FILIP1L: variants seen among roughly 807,000 people sequenced by gnomAD.
The protein encoded by FILIP1L is filamin A interacting protein 1 like.
In FILIP1L, 55 loss-of-function variants were observed where a neutral mutation model predicts 96.6. The ratio of observed to expected loss-of-function variants is 0.57; its 90% CI spans 0.46 to 0.71. The LOEUF is 0.71. FILIP1L is among the 30% of genes least tolerant of loss of function. The pLI is 0.00. For synonymous variants in FILIP1L, 467 were observed against 473.9 expected, an observed-to-expected ratio of 0.99 and a Z score of 0.19; for missense variants, 1,304 against 1,321.2, an observed-to-expected ratio of 0.99 and a Z score of 0.20.
intron 1 of FILIP1L, among the ~76,000 whole-genome samples, chr3:100,028,509 T>C (rs1319817499): frequency 1.3e-5 from 2 of 152,216 alleles, no homozygotes; most frequent in African/African-American, 2.4e-5. Context: ...TTAATTCACG[T>C]TGGAGAATAG....
intron 1 of FILIP1L, among the ~76,000 whole-genome samples, chr3:100,111,570 A>G (rs145333566): frequency 2.0e-5 from 3 of 152,340 alleles, no homozygotes; most frequent in African/African-American, 2.4e-5. Flanking sequence ...CTCCTCAACC[A>G]AGATGAGAAG....
At position 99,924,236 on chromosome 3, in the gene FILIP1L, C is replaced by G. The variant is rs1356402733; in HGVS notation, c.599G>C (p.Cys200Ser). The part of the protein sequence containing the change: ...DEFICLLEQE[C>S]ERLKKLIDQE... ...TTGCCCAAAGCAGCCTTACCTTTCA[C>G]ATTCCTGTTCTAGTAGGCATATGAA... Residue 200 changes from cysteine to serine, a missense_variant, in exon 4 of 6, where the codon TGT (cysteine) becomes TCT (serine). Coordinates refer to ENST00000477258, the MANE Select transcript of FILIP1L (RefSeq NM_001387850.1). The G allele has an allele frequency of 5.6e-6, 9 of 1,612,496 alleles. No homozygotes were observed. Among genetic ancestry groups the G allele is most frequent in the Non-Finnish European group, 7.6e-6 (9 of 1,179,432 alleles).
At chr3:99,968,510 G>A (rs1019920652) in intron 1 of FILIP1L, among the ~76,000 whole-genome samples, 1 of 152,068 alleles carries the variant, frequency 6.6e-6, no homozygotes, top group African/African-American at 2.4e-5. Context: ...CATGGAAGGT[G>A]ATGGGAGGTA....
chr3:99,878,957 T>C (rs912652286), intron 4 of FILIP1L, among the ~76,000 whole-genome samples: 3 of 152,240 alleles, frequency 2.0e-5, no homozygotes, highest in Non-Finnish European at 4.4e-5. Context: ...ATTCTCTTGG[T>C]TTCATTTGTG....
intron 1 of FILIP1L, among the ~76,000 whole-genome samples, chr3:100,061,197 A>G (rs543602608): frequency 8.2e-4 from 125 of 152,326 alleles, no homozygotes; most frequent in African/African-American, 2.9e-3. Context: ...TTTAAAAACT[A>G]TACTTCTTCT....
At chr3:100,080,372 A>G (rs1472326579) in intron 1 of FILIP1L, among the ~76,000 whole-genome samples, 1 of 152,200 alleles carries the variant, frequency 6.6e-6, no homozygotes, top group Non-Finnish European at 1.5e-5. Flanking sequence ...TGAACAAACT[A>G]TCCCTTTACA....
At chr3:100,005,277 A>G (rs1310796179) in intron 1 of FILIP1L, among the ~76,000 whole-genome samples, 2 of 152,198 alleles carry the variant, frequency 1.3e-5, no homozygotes, top group African/African-American at 2.4e-5. Flanking sequence ...TTTTGGCTCA[A>G]TATTCAGTGT....
chr3:100,020,667 T>C (rs2064794897), intron 1 of FILIP1L, among the ~76,000 whole-genome samples: 1 of 152,168 alleles, frequency 6.6e-6, no homozygotes, highest in Non-Finnish European at 1.5e-5. Context: ...AAAGTGTTTA[T>C]TTTTAGTGAT....
intron 5 of FILIP1L, among the ~76,000 whole-genome samples, chr3:99,839,203 G>A (rs1943024689): frequency 1.3e-5 from 2 of 152,072 alleles, no homozygotes; most frequent in African/African-American, 2.4e-5. Flanking sequence ...CTAAAATCCT[G>A]TAGTACTTAC....
chr3:99,854,427 G>A (rs1943853584), intron 4 of FILIP1L, among the ~76,000 whole-genome samples: 1 of 152,176 alleles, frequency 6.6e-6, no homozygotes, highest in African/African-American at 2.4e-5. Flanking sequence ...ACCTTGAGGT[G>A]CAGAACTCTG....
At chr3:100,111,876 C>T (rs1447856157) in intron 1 of FILIP1L, among the ~76,000 whole-genome samples, 1 of 152,180 alleles carries the variant, frequency 6.6e-6, no homozygotes, top group African/African-American at 2.4e-5. Flanking sequence ...GAGATGGTAT[C>T]TAAAATTGTC....
In FILIP1L at chr3:100,012,778, T is replaced by G. The variant is rs73859918; in HGVS notation, c.-10-81748A>C. Among the ~76,000 whole-genome samples the G allele has an allele frequency of 2.3e-3, 325 of 143,058 alleles. 4 individuals are homozygous for G. The highest frequency in any genetic ancestry group is 7.8e-3 in the African/African-American group (307 of 39,552). The allele number at this position is 143,058 out of a possible 152,430, so 93.9% of individuals were successfully genotyped here. ...AGCATATTCTTTTTTTTTTTTTTTT[T>G]TGGGTTGGGGGAGGGACAGGTTTTC... is the stretch of plus-strand genomic sequence containing the variant. On this transcript the variant is annotated intron_variant, in intron 1 of 5. Transcript: ENST00000477258.
intron 1 of FILIP1L, among the ~76,000 whole-genome samples, chr3:100,024,172 T>TA (rs1553706565): frequency 6.6e-6 from 1 of 152,158 alleles, no homozygotes; most frequent in East Asian, 1.9e-4. Context: ...TGGTTGTAAA[T>TA]AACAGCCATG....
At chr3:100,111,242 C>T (rs1455959118) in intron 1 of FILIP1L, among the ~76,000 whole-genome samples, 1 of 152,136 alleles carries the variant, frequency 6.6e-6, no homozygotes, top group Non-Finnish European at 1.5e-5. Context: ...AAACTTTCCT[C>T]TACCTGCATG....
chr3:99,969,103 AGG>A (rs955243745), intron 1 of FILIP1L, among the ~76,000 whole-genome samples: 10 of 152,162 alleles, frequency 6.6e-5, no homozygotes, highest in African/African-American at 2.4e-4. Flanking sequence ...AGTGCTGAAA[AGG>A]GGGGCCATGT....
chr3:100,015,548 TATTTTTTA>T (rs1710317071), intron 1 of FILIP1L, among the ~76,000 whole-genome samples: 1 of 152,228 alleles, frequency 6.6e-6, no homozygotes, highest in Non-Finnish European at 1.5e-5. Context: ...TGTGGGACAA[TATTTTTTA>T]CACATTCTTG....
chr3:100,103,597 G>T (rs544926002), intron 1 of FILIP1L, among the ~76,000 whole-genome samples: 4 of 152,292 alleles, frequency 2.6e-5, no homozygotes, highest in African/African-American at 9.6e-5. Context: ...TGAGCAAAAA[G>T]GAGGTGTGGG....
At chr3:100,039,330 C>T (rs2065162169) in intron 1 of FILIP1L, among the ~76,000 whole-genome samples, 1 of 151,966 alleles carries the variant, frequency 6.6e-6, no homozygotes, top group Admixed American at 6.6e-5. Flanking sequence ...GAAGTACAGC[C>T]AAGACTCACC....
chr3:100,102,380 T>C (rs2066325058), intron 1 of FILIP1L, among the ~76,000 whole-genome samples: 1 of 152,218 alleles, frequency 6.6e-6, no homozygotes, highest in Non-Finnish European at 1.5e-5. Flanking sequence ...AGAGGATAAC[T>C]AAATATCCTT....
Sources: allele counts gnomAD v4.1 joint callset (sites outside exome capture counted in the v4.1 genomes callset), GRCh38; gene constraint gnomAD v4.1.1; transcripts MANE v1.5; gene names NCBI Gene and HGNC (gene_info 2026-07-23, HGNC 2026-07-21).